Variants in ADGRG6 observed in about 807,000 individuals in gnomAD.
The protein encoded by ADGRG6 is adhesion G protein-coupled receptor G6, also known as G-protein coupled receptor 126.
Under a neutral mutation model 142.4 loss-of-function variants are expected in ADGRG6, and 84 were observed. The ratio of observed to expected loss-of-function variants is 0.59; its 90% CI spans 0.49 to 0.71. The LOEUF is 0.71. Among genes scored for constraint, ADGRG6 ranks in the 30% least tolerant of loss-of-function variants. The probability of loss-of-function intolerance (pLI) is 0.00; values close to 1 mark genes in which losing one functional copy is unlikely to be tolerated. For missense variants in ADGRG6, 1,367 were observed against 1,466.6 expected (o/e 0.93, Z 1.11); for synonymous variants, 521 against 520.5 (o/e 1.00, Z -0.01).
chr6:142,374,528 C>T (rs1315630753), intron 4 of ADGRG6, among the ~76,000 whole-genome samples: 4 of 152,204 alleles, frequency 2.6e-5, no homozygotes, highest in Non-Finnish European at 4.4e-5. Context: ...AGGAGCTTCC[C>T]AGTTTACTTT....
intron 9 of ADGRG6, among the ~76,000 whole-genome samples, chr6:142,396,192 T>G (rs1775186269): frequency 6.6e-6 from 1 of 152,204 alleles, no homozygotes; most frequent in Non-Finnish European, 1.5e-5. Flanking sequence ...TCTCACCAAC[T>G]GGAGTGGCGA....
intron 2 of ADGRG6, among the ~76,000 whole-genome samples, chr6:142,358,747 A>T (rs2114812911): frequency 6.6e-6 from 1 of 152,204 alleles, no homozygotes; most frequent in South Asian, 2.1e-4. Context: ...TCCACTAAAA[A>T]TACAAAAATT....
rs1331816625 is a variant in ADGRG6 at position 142,444,711 on chromosome 6, A to G, written c.*1196A>G. ...AGGCTGCTGCATACAAACCTTGCAT[A>G]CTATTATGCAGCTTACCTAACTCTC... On this transcript the variant is annotated 3_prime_UTR_variant, in exon 25 of 25. Transcript: ENST00000367609. 1.3e-5 allele frequency: 2 copies of G among 152,190 alleles called. No homozygotes were observed. Among genetic ancestry groups the G allele is most frequent in the Non-Finnish European group, 2.9e-5 (2 of 68,044 alleles). The allele number at this position is 152,190 out of a possible 1,614,324, so 9.4% of individuals were successfully genotyped here.
chr6:142,400,340 C>T, intron 10 of ADGRG6, 145 bp from the exon 11 acceptor site: 5 of 506,712 alleles, frequency 9.9e-6, no homozygotes, highest in Admixed American at 3.5e-5. Flanking sequence ...TTTACAAATT[C>T]TGAAGATAAA....
intron 9 of ADGRG6, among the ~76,000 whole-genome samples, chr6:142,396,563 A>G (rs1049995910): frequency 2.0e-5 from 3 of 152,160 alleles, no homozygotes; most frequent in African/African-American, 7.2e-5. Flanking sequence ...ATTAATATTC[A>G]TAGTTTCATA....
rs1243359600 is a variant in ADGRG6, at chr6:142,445,809, T to C, written c.*2294T>C. 6.6e-6 allele frequency: 1 copy of C among 152,142 alleles called. No individual in the cohort carries two copies. Among genetic ancestry groups the C allele is most frequent in the African/African-American group, 2.4e-5 (1 of 41,444 alleles). 9.4% of individuals were successfully genotyped at this position (152,142 alleles called of 1,614,324 possible). ...GTTCAGCTTACCTTTGAGAATAGCA[T>C]CAATTCAGACTCTCTTTTCATTATG... On this transcript the variant is annotated 3_prime_UTR_variant, in exon 25 of 25. Coordinates refer to ENST00000367609, the MANE Select transcript of ADGRG6 (RefSeq NM_198569.3).
intron 2 of ADGRG6, among the ~76,000 whole-genome samples, chr6:142,349,031 G>A (rs1346601544): frequency 1.3e-5 from 2 of 152,200 alleles, no homozygotes; most frequent in Non-Finnish European, 2.9e-5. Flanking sequence ...AAGCATTAAT[G>A]CTGAGATATT....
At chr6:142,382,812 A>G (rs1470903957) in intron 5 of ADGRG6, among the ~76,000 whole-genome samples, 2 of 152,190 alleles carry the variant, frequency 1.3e-5, no homozygotes, top group Non-Finnish European at 2.9e-5. Flanking sequence ...TCATAGCACA[A>G]AAGTGACAGG....
At chr6:142,320,755 G>T (rs1438059421) in intron 2 of ADGRG6, among the ~76,000 whole-genome samples, 1 of 151,890 alleles carries the variant, frequency 6.6e-6, no homozygotes, top group African/African-American at 2.4e-5. Flanking sequence ...ATTAGCTTCG[G>T]TACTTGTATA....
intron 6 of ADGRG6, among the ~76,000 whole-genome samples, chr6:142,386,046 T>C (rs1181718981): frequency 6.6e-6 from 1 of 152,192 alleles, no homozygotes; most frequent in Non-Finnish European, 1.5e-5. Context: ...TCAATAACAA[T>C]ATTGCATTGT....
rs748773267 is a variant in ADGRG6 at position 142,438,198 on chromosome 6, AT to A, written c.3422-4del. 2,436 of 1,408,988 alleles carry A rather than the reference AT, an allele frequency of 1.7e-3. 3 individuals are homozygous for A. Among genetic ancestry groups the A allele is most frequent in the East Asian group, 8.1e-3 (320 of 39,362 alleles). 87.3% of individuals were successfully genotyped at this position (1,408,988 alleles called of 1,614,324 possible). ...TAAAGCAGATTGATAGGGTGATGTC[AT>A]TTTTTTTTTCAGATTGGAGTAAGAC... is the stretch of plus-strand genomic sequence containing the variant. On this transcript the variant is annotated splice_polypyrimidine_tract_variant and intron_variant, in intron 23 of 24. Coordinates refer to ENST00000367609, the MANE Select transcript of ADGRG6 (RefSeq NM_198569.3).
At chr6:142,369,966 G>T (rs1344418463) in intron 3 of ADGRG6, among the ~76,000 whole-genome samples, 1 of 152,122 alleles carries the variant, frequency 6.6e-6, no homozygotes, top group Non-Finnish European at 1.5e-5. Flanking sequence ...GAGATGAAAT[G>T]AGTAGAATTT....
At position 142,367,824 on chromosome 6, in the gene ADGRG6, T is replaced by G; in HGVS notation, c.359T>G (p.Phe120Cys). The G allele has an allele frequency of 6.2e-7, 1 of 1,613,886 alleles. No individual in the cohort carries two copies. Among genetic ancestry groups the G allele is most frequent in the Non-Finnish European group, 8.5e-7 (1 of 1,179,790 alleles). ...GGAGCAACTGCCAAAGGCCTATCAT[T>G]TAACTCAAGTGCGAATGAGATGCAT... Reference protein sequence around the residue: ...FCGATAKGLSFNSSANEMHVS... With the variant: ...FCGATAKGLSCNSSANEMHVS... Residue 120 changes from phenylalanine (F) to cysteine (C), a missense_variant, in exon 3 of 25, where the codon TTT (phenylalanine) becomes TGT (cysteine). Physicochemically the swap from Phe to Cys is radical, Grantham distance 205. This residue lies in a region of ADGRG6 where 737 missense variants were observed against 746.5 expected (regional missense o/e 0.99). Transcript: ENST00000367609.
chr6:142,397,945 A>G (rs1169742211), intron 10 of ADGRG6, among the ~76,000 whole-genome samples, 190 bp downstream of exon 10: 5 of 152,156 alleles, frequency 3.3e-5, no homozygotes, highest in Non-Finnish European at 5.9e-5. Flanking sequence ...AATCCAAGGG[A>G]ATGAAGGAGG....
intron 2 of ADGRG6, among the ~76,000 whole-genome samples, chr6:142,330,470 T>A (rs1778997772): frequency 6.6e-6 from 1 of 152,216 alleles, no homozygotes; most frequent in South Asian, 2.1e-4. Context: ...GCAATGCCAT[T>A]CATTAATCAT....
intron 4 of ADGRG6, among the ~76,000 whole-genome samples, chr6:142,373,881 CTTTTTTTTT>C (rs769498618): frequency 0.018 from 1,680 of 93,860 alleles, 20 homozygotes; most frequent in Middle Eastern, 0.17. Flanking sequence ...TTTTTCTTTT[CTTTTTTTTT>C]TTTTTTTTTT....
In ADGRG6 at chr6:142,381,839, A is replaced by C. The variant is rs182046432; in HGVS notation, c.1070-112A>C. The stretch of plus-strand genomic sequence containing the variant: ...TAAGAGACTTTCTTGATATCAAAGA[A>C]TTACTGGTGGACTCTTCTAGGGCTG... On this transcript the variant is annotated intron_variant, in intron 4 of 24. Coordinates refer to ENST00000367609, the MANE Select transcript of ADGRG6 (RefSeq NM_198569.3). 149 of 568,288 alleles carry C rather than the reference A, an allele frequency of 2.6e-4. 1 individual carries two copies. In the Middle Eastern group the frequency reaches 6.6e-3, roughly 25 times the overall value. The allele number at this position is 568,288 out of a possible 1,614,324, so 35.2% of individuals were successfully genotyped here.
At chr6:142,416,923 C>A (rs2294765) in intron 20 of ADGRG6, among the ~76,000 whole-genome samples, 12,412 of 152,194 alleles carry the variant, frequency 0.082, 614 homozygotes, top group East Asian at 0.25. Context: ...TAAACTCTGC[C>A]AGTCTAACAA....
At chr6:142,404,207 A>C (rs1690643504) in intron 14 of ADGRG6, 1 of 482,206 alleles carries the variant, frequency 2.1e-6, no homozygotes, top group African/African-American at 2.0e-5. Flanking sequence ...AAGAGGGGTT[A>C]CTGGAGCTAA....
Sources: allele counts gnomAD v4.1 joint callset (sites outside exome capture counted in the v4.1 genomes callset), GRCh38; gene constraint gnomAD v4.1.1; regional missense constraint gnomAD v4.1.1; transcripts MANE v1.5; gene names NCBI Gene and HGNC (gene_info 2026-07-23, HGNC 2026-07-21).